CORO2B: variants seen among roughly 807,000 people sequenced by gnomAD.
CORO2B encodes coronin 2B, also known as coronin-2B.
In CORO2B, 26 loss-of-function variants were observed where a neutral mutation model predicts 58.8. The ratio of observed to expected loss-of-function variants is 0.44; its 90% CI spans 0.32 to 0.61. CORO2B has a LOEUF of 0.61. Ranked by LOEUF, CORO2B falls within the 20% of genes least tolerant of loss-of-function variation. The pLI, the probability that CORO2B is intolerant of heterozygous loss-of-function variation, is 0.04. For missense variants in CORO2B, 460 were observed against 645.1 expected (o/e 0.71, Z 3.11); for synonymous variants, 242 against 253.8 (o/e 0.95, Z 0.44).
chr15:68,702,809 CTTT>C (rs1229750025), intron 3 of CORO2B, among the ~76,000 whole-genome samples: 1 of 129,722 alleles, frequency 7.7e-6, no homozygotes, highest in African/African-American at 2.9e-5. Context: ...ATATCTTTTT[CTTT>C]TTCTTTTTCT....
intron 8 of CORO2B, 55 bp from the exon 9 acceptor site, chr15:68,718,643 G>A (rs1893087532): frequency 6.9e-7 from 1 of 1,441,224 alleles, no homozygotes; most frequent in Admixed American, 1.7e-5. Context: ...ATGGGGTGAT[G>A]TCACTGAGAC....
chr15:68,669,834 A>C (rs1902326553), intron 2 of CORO2B, among the ~76,000 whole-genome samples: 1 of 152,138 alleles, frequency 6.6e-6, no homozygotes, highest in South Asian at 2.1e-4. Context: ...AGGTGGGTGG[A>C]TCACTTGAGG....
At chr15:68,719,584 C>T (rs199585156) in intron 11 of CORO2B, 32 bp downstream of exon 11, 339 of 1,592,978 alleles carry the variant, frequency 2.1e-4, no homozygotes, top group Non-Finnish European at 2.7e-4. Context: ...CTCCACAGGC[C>T]CTGGAAGAGC....
At chr15:68,721,208 A>G (rs1893151634) in intron 11 of CORO2B, among the ~76,000 whole-genome samples, 1 of 152,176 alleles carries the variant, frequency 6.6e-6, no homozygotes, top group South Asian at 2.1e-4. Flanking sequence ...TAATAAAAAT[A>G]AGACCCTTCT....
chr15:68,547,893 G>A, the CORO2B span, among the ~76,000 whole-genome samples: 22 of 152,042 alleles, frequency 1.4e-4, no homozygotes, highest in African/African-American at 5.3e-4. Context: ...GTTTTTGGCC[G>A]GGCGTGGTGG....
intron 3 of CORO2B, among the ~76,000 whole-genome samples, chr15:68,707,161 CGTGA>C: frequency 1.3e-5 from 2 of 152,230 alleles, no homozygotes; most frequent in South Asian, 4.2e-4. Context: ...GGATTACAGA[CGTGA>C]GCTACCACGC....
At chr15:68,523,124 G>C in the CORO2B span, among the ~76,000 whole-genome samples, 1 of 152,116 alleles carries the variant, frequency 6.6e-6, no homozygotes, top group Non-Finnish European at 1.5e-5. Flanking sequence ...TCCAGGTCCA[G>C]GGGTATTTCT....
chr15:68,626,579 C>T (rs1406640870), intron 1 of CORO2B, among the ~76,000 whole-genome samples: 2 of 152,050 alleles, frequency 1.3e-5, no homozygotes, highest in Non-Finnish European at 2.9e-5. Context: ...TGCGGGACTC[C>T]CAGCCTTTGA....
the CORO2B span, among the ~76,000 whole-genome samples, chr15:68,546,539 G>A: frequency 6.6e-6 from 1 of 152,148 alleles, no homozygotes; most frequent in East Asian, 1.9e-4. Flanking sequence ...TAGACCCTGA[G>A]GTGTCTAGAT....
Position 68,612,007 on chromosome 15 carries a change from G to A in CORO2B, c.15+32730G>A, listed in dbSNP as rs543170396. On this transcript the variant is annotated intron_variant, in intron 1 of 11. Coordinates refer to ENST00000261861, the MANE Select transcript of CORO2B (RefSeq NM_006091.5). The stretch of plus-strand genomic sequence containing the variant: ...ACTGGTCTCAAACTCCTGGGCTCAA[G>A]CCATCCACCCACCTCCACTGCCCAA... 3.3e-5 allele frequency among the ~76,000 whole-genome samples: 5 copies of A among 152,276 alleles called. No homozygotes were observed. The East Asian group carries it at 5.8e-4, about 18-fold the overall frequency.
intron 2 of CORO2B, among the ~76,000 whole-genome samples, chr15:68,675,990 A>G (rs1195109996): frequency 6.6e-6 from 1 of 152,240 alleles, no homozygotes; most frequent in Non-Finnish European, 1.5e-5. Context: ...ATAGAATAGA[A>G]TAGAATAATG....
At chr15:68,604,271 C>T (rs950188434) in intron 1 of CORO2B, among the ~76,000 whole-genome samples, 23 of 152,250 alleles carry the variant, frequency 1.5e-4, no homozygotes, top group Non-Finnish European at 2.6e-4. Context: ...GAGAGCAGCT[C>T]TCAGTAGCAG....
chr15:68,569,126 C>G, the CORO2B span, among the ~76,000 whole-genome samples: 24 of 152,310 alleles, frequency 1.6e-4, no homozygotes, highest in South Asian at 4.1e-4. Context: ...ATCGATGAAT[C>G]TACATTAGCA....
chr15:68,523,441 C>T, the CORO2B span, among the ~76,000 whole-genome samples: 1 of 152,158 alleles, frequency 6.6e-6, no homozygotes, highest in Non-Finnish European at 1.5e-5. Flanking sequence ...AAGCAATCCT[C>T]CCTCCTCAGC....
At chr15:68,581,849 C>T (rs114254220) in intron 1 of CORO2B, among the ~76,000 whole-genome samples, 1,565 of 152,326 alleles carry the variant, frequency 0.01, 34 homozygotes, top group African/African-American at 0.035. Flanking sequence ...CTCTAGCCTT[C>T]TCTGCTGCTG....
In CORO2B at chr15:68,695,247, G is replaced by C. The variant is rs766159237; in HGVS notation, c.324G>C (p.Glu108Asp). Residue 108 changes from glutamate to aspartate, a missense_variant, in exon 3 of 12, where the codon GAG (glutamate) becomes GAC (aspartate). Coordinates refer to ENST00000261861, the MANE Select transcript of CORO2B (RefSeq NM_006091.5). The part of the protein sequence containing the change: ...FIDNIIASCS[E>D]DTSVRIWEIP... ...ACAACATCATTGCCTCGTGCTCGGA[G>C]GACACGTCGGTGAGCAGAGGGGTGC... 6.2e-7 allele frequency: 1 copy of C among 1,613,572 alleles called. No homozygotes were observed.
chr15:68,548,170 T>TA, the CORO2B span, among the ~76,000 whole-genome samples: 5 of 94,384 alleles, frequency 5.3e-5, no homozygotes, highest in African/African-American at 2.0e-4. Flanking sequence ...GATTCCATCT[T>TA]AAAAATATAT....
chr15:68,710,648 C>G lies in CORO2B; in HGVS notation c.334-84C>G. ...GCTCATCAGGCAGATCTCAGAAAGC[C>G]TGGTGTCCGAGGAAAGGGGCACCTC... On this transcript the variant is annotated intron_variant, in intron 3 of 11. Transcript: ENST00000261861. The surrounding 1 kb of genome is among the most constrained non-coding windows in gnomAD (Gnocchi z 4.1). 7.2e-7 allele frequency: 1 copy of G among 1,386,468 alleles called. No individual in the cohort carries two copies. The highest frequency in any genetic ancestry group is 9.4e-7 in the Non-Finnish European group (1 of 1,058,216). 85.9% of individuals were successfully genotyped at this position (1,386,468 alleles called of 1,614,324 possible).
At chr15:68,623,220 A>G (rs1245225366) in intron 1 of CORO2B, among the ~76,000 whole-genome samples, 2 of 152,184 alleles carry the variant, frequency 1.3e-5, no homozygotes, top group Non-Finnish European at 2.9e-5. Flanking sequence ...GAGAAGTGAT[A>G]TTGTTTGCTT....
Sources: allele counts gnomAD v4.1 joint callset (sites outside exome capture counted in the v4.1 genomes callset), GRCh38; gene constraint gnomAD v4.1.1; non-coding constraint Gnocchi (gnomAD v3.1); transcripts MANE v1.5; gene names NCBI Gene and HGNC (gene_info 2026-07-23, HGNC 2026-07-21).